Variants in CNBD1 observed in about 807,000 individuals in gnomAD.
The protein encoded by CNBD1 is cyclic nucleotide binding domain containing 1.
In CNBD1, 71 loss-of-function variants were observed where a neutral mutation model predicts 54.4. That is an observed-to-expected ratio of 1.30 (90% CI 1.08 to 1.59). The LOEUF (loss-of-function observed/expected upper bound fraction) is 1.59, where lower values mean the gene tolerates loss of function less well. Among genes scored for constraint, CNBD1 ranks in the 40% most tolerant of loss-of-function variants. CNBD1 has a pLI of 0.00. For synonymous variants in CNBD1, 182 were observed against 170.7 expected (o/e 1.07, Z -0.51); for missense variants, 659 against 518.0 (o/e 1.27, Z -2.64).
chr8:87,164,997 AT>A (rs1044963272), intron 4 of CNBD1, among the ~76,000 whole-genome samples: 9 of 148,876 alleles, frequency 6.0e-5, no homozygotes, highest in East Asian at 3.9e-4. Context: ...AAGTCACAAG[AT>A]TTTTTTTTTA....
chr8:87,412,890 G>T (rs1047477054), intron 2 of CNBD1, among the ~76,000 whole-genome samples: 1 of 152,028 alleles, frequency 6.6e-6, no homozygotes, highest in Admixed American at 6.6e-5. Flanking sequence ...CGAAAAGAAG[G>T]AATAGAGAAA....
chr8:87,177,550 A>T (rs1011646626), intron 4 of CNBD1, among the ~76,000 whole-genome samples: 2 of 152,190 alleles, frequency 1.3e-5, no homozygotes, highest in Non-Finnish European at 2.9e-5. Context: ...GCACATCAGC[A>T]TCTGCTCAAA....
At chr8:87,117,307 G>C (rs538253687) in intron 4 of CNBD1, among the ~76,000 whole-genome samples, 1 of 150,426 alleles carries the variant, frequency 6.6e-6, no homozygotes, top group Admixed American at 6.7e-5. Context: ...GCTGAGGGAC[G>C]AGAATTGCTT....
chr8:87,426,390 G>A (rs897687947), intron 2 of CNBD1, among the ~76,000 whole-genome samples: 6 of 152,168 alleles, frequency 3.9e-5, no homozygotes, highest in Non-Finnish European at 2.9e-5. Flanking sequence ...CATGATCGGA[G>A]TAATGTAAGG....
rs1342986406 is a variant in CNBD1, at chr8:87,129,644, A to AT, written c.432-76346dup. 4.0e-5 allele frequency among the ~76,000 whole-genome samples: 6 copies of AT among 151,654 alleles called. No homozygotes were observed. In the South Asian group the frequency reaches 1.3e-3, roughly 32 times the overall value. ...TCAAGATGTAGCTTTAGGTCATTGG[A>AT]TTTAGACTTTACTTTTTTAATGTAA... On this transcript the variant is annotated intron_variant, in intron 4 of 10. Coordinates refer to ENST00000518476, the MANE Select transcript of CNBD1 (RefSeq NM_173538.3).
intron 5 of CNBD1, among the ~76,000 whole-genome samples, chr8:87,216,986 A>G (rs1687906084): frequency 1.3e-5 from 2 of 152,106 alleles, no homozygotes; most frequent in African/African-American, 2.4e-5. Context: ...GGTGATGCTA[A>G]TTCTCTCCCT....
intron 2 of CNBD1, among the ~76,000 whole-genome samples, chr8:87,416,725 T>A (rs1211940891): frequency 6.6e-6 from 1 of 152,032 alleles, no homozygotes; most frequent in Admixed American, 6.6e-5. Flanking sequence ...TTGTTTACAC[T>A]GGGCACTCCT....
intron 8 of CNBD1, among the ~76,000 whole-genome samples, chr8:87,311,407 C>G (rs1028349803): frequency 2.0e-5 from 3 of 152,038 alleles, no homozygotes; most frequent in Non-Finnish European, 4.4e-5. Flanking sequence ...GATACCATCT[C>G]CCACCAGTCA....
chr8:86,921,802 A>C (rs955332883), intron 3 of CNBD1, among the ~76,000 whole-genome samples: 1 of 152,150 alleles, frequency 6.6e-6, no homozygotes, highest in African/African-American at 2.4e-5. Context: ...AAACTATGTC[A>C]AATAACCTGT....
At chr8:87,417,501 C>T (rs1316855909) in intron 2 of CNBD1, among the ~76,000 whole-genome samples, 1 of 151,876 alleles carries the variant, frequency 6.6e-6, no homozygotes, top group Non-Finnish European at 1.5e-5. Context: ...GGAAATTTGG[C>T]AAGTAAATGG....
chr8:87,368,893 C>A (rs4961031), intron 10 of CNBD1, among the ~76,000 whole-genome samples: 59,103 of 151,552 alleles, frequency 0.39, 11,780 homozygotes, highest in Middle Eastern at 0.45. Context: ...ATGCCAGGCC[C>A]GCTTCCAAAT....
intron 4 of CNBD1, among the ~76,000 whole-genome samples, chr8:86,996,813 A>T (rs1348025559): frequency 1.3e-5 from 2 of 152,194 alleles, no homozygotes; most frequent in African/African-American, 4.8e-5. Flanking sequence ...AACAATGACA[A>T]TGTATTTATT....
chr8:87,333,139 G>T (rs951499756), intron 8 of CNBD1, among the ~76,000 whole-genome samples: 1 of 152,110 alleles, frequency 6.6e-6, no homozygotes, highest in Non-Finnish European at 1.5e-5. Flanking sequence ...TAGCAATTGT[G>T]AATGGGAGTT....
chr8:87,380,259 A>T lies in CNBD1; in HGVS notation c.1304-2361A>T, dbSNP rs535461744. ...TTCTCTACCTAAATAGTATACAGTT[A>T]GAAATGGACATGATAATACTTAAAA... is the stretch of plus-strand genomic sequence containing the variant. On this transcript the variant is annotated intron_variant, in intron 10 of 10. Coordinates refer to ENST00000518476, the MANE Select transcript of CNBD1 (RefSeq NM_173538.3). Among the ~76,000 whole-genome samples the T allele has an allele frequency of 9.9e-5, 15 of 152,116 alleles. No individual in the cohort carries two copies. The South Asian group carries it at 3.1e-3, about 31-fold the overall frequency.
At chr8:87,118,881 T>C (rs1270733125) in intron 4 of CNBD1, among the ~76,000 whole-genome samples, 2 of 152,206 alleles carry the variant, frequency 1.3e-5, no homozygotes, top group Non-Finnish European at 2.9e-5. Context: ...TTTATTTTCA[T>C]CGAAATTCTT....
intron 4 of CNBD1, among the ~76,000 whole-genome samples, chr8:87,194,040 A>T (rs967643400): frequency 4.6e-5 from 7 of 152,160 alleles, no homozygotes; most frequent in Admixed American, 6.5e-5. Flanking sequence ...CCTCCTGTCA[A>T]GTCGGCAAAT....
chr8:87,330,876 G>T (rs1183338215), intron 8 of CNBD1, among the ~76,000 whole-genome samples: 2 of 152,064 alleles, frequency 1.3e-5, no homozygotes, highest in Non-Finnish European at 2.9e-5. Context: ...GTACATAATA[G>T]ATTAATATTA....
At chr8:87,220,674 A>G (rs1217016729) in intron 5 of CNBD1, among the ~76,000 whole-genome samples, 3 of 151,968 alleles carry the variant, frequency 2.0e-5, no homozygotes, top group African/African-American at 4.8e-5. Flanking sequence ...GAATAACTGC[A>G]TATTTTTGTC....
chr8:87,253,223 C>T (rs897666621), intron 6 of CNBD1, among the ~76,000 whole-genome samples: 2 of 152,126 alleles, frequency 1.3e-5, no homozygotes, highest in Admixed American at 1.3e-4. Context: ...CCCTTTACCC[C>T]AAGACTGGCC....
Sources: allele counts gnomAD v4.1 joint callset (sites outside exome capture counted in the v4.1 genomes callset), GRCh38; gene constraint gnomAD v4.1.1; transcripts MANE v1.5; gene names NCBI Gene and HGNC (gene_info 2026-07-23, HGNC 2026-07-21).